The following ZNF682 variants were observed in gnomAD, a reference collection of about 807,000 sequenced individuals.
ZNF682 encodes zinc finger protein 682.
ZNF682 carries 29 observed loss-of-function variants against 36.5 expected under a neutral mutation model. The ratio of observed to expected loss-of-function variants is 0.80; its 90% CI spans 0.59 to 1.08. The LOEUF is 1.08. ZNF682 is among the 50% of genes least tolerant of loss of function. The probability of loss-of-function intolerance (pLI) is 0.00; values close to 1 mark genes in which losing one functional copy is unlikely to be tolerated. For synonymous variants in ZNF682, 180 were observed against 197.0 expected (o/e 0.91, Z 0.72); for missense variants, 561 against 579.7 (o/e 0.97, Z 0.33).
chr19:20,023,209 A>G lies in ZNF682; in HGVS notation c.131-110T>C, dbSNP rs2088402437. 2.9e-6 allele frequency: 3 copies of G among 1,023,706 alleles called. No individual in the cohort carries two copies. In the East Asian group the frequency reaches 7.8e-5, roughly 27 times the overall value. 63.4% of individuals were successfully genotyped at this position (1,023,706 alleles called of 1,614,324 possible). A position where few individuals can be genotyped will look rare whatever the true frequency, so the allele number is the denominator to read the frequency against. ...ATATTATAGATGATTCTAGAAAATT[A>G]ATAATAAGGACAGGCGCGTTGGCTC... On this transcript the variant is annotated intron_variant, in intron 2 of 3. Transcript: ENST00000397165.
chr19:20,027,226 T>G (rs537975958), intron 1 of ZNF682, among the ~76,000 whole-genome samples: 3 of 152,346 alleles, frequency 2.0e-5, no homozygotes, highest in Non-Finnish European at 4.4e-5. Context: ...CACAGGCAGA[T>G]GTACCTTAAA....
In ZNF682 at chr19:20,027,454, C is replaced by G. The variant is rs375451666; in HGVS notation, c.4-3078G>C. On this transcript the variant is annotated intron_variant, in intron 1 of 3. Coordinates refer to ENST00000397165, the MANE Select transcript of ZNF682 (RefSeq NM_033196.3). Reference sequence around the variant, plus strand: ...AAACCAAGCACAGCAGGCCCCATGACCTCTCTTTAAAACAAAGCCTGGGGG... The same window carrying G: ...AAACCAAGCACAGCAGGCCCCATGAGCTCTCTTTAAAACAAAGCCTGGGGG... Among the ~76,000 whole-genome samples, 17 of 152,336 alleles carry G rather than the reference C, an allele frequency of 1.1e-4. No homozygotes were observed. The South Asian group carries it at 3.5e-3, about 32-fold the overall frequency.
At chr19:20,036,294 T>A (rs1189185683) in intron 1 of ZNF682, among the ~76,000 whole-genome samples, 1 of 152,084 alleles carries the variant, frequency 6.6e-6, no homozygotes, top group Non-Finnish European at 1.5e-5. Flanking sequence ...ACCCTTTAGC[T>A]TTCTGGATTG....
chr19:19,998,782 C>T (rs1257950298), intron 3 of ZNF682, among the ~76,000 whole-genome samples: 3 of 151,900 alleles, frequency 2.0e-5, no homozygotes, highest in Non-Finnish European at 4.4e-5. Context: ...TAGAGCATCT[C>T]GTAGCATTGG....
chr19:20,016,172 G>A lies in ZNF682; in HGVS notation c.226+6832C>T, dbSNP rs774564222. ...GAAAGAATACAAAAATTAGCCAGGC[G>A]TGGTAGCACTCGCCTGTACTGTCAG... On this transcript the variant is annotated intron_variant, in intron 3 of 3. Coordinates refer to ENST00000397165, the MANE Select transcript of ZNF682 (RefSeq NM_033196.3). Among the ~76,000 whole-genome samples the A allele has an allele frequency of 3.9e-5, 6 of 152,264 alleles. No homozygotes were observed. The South Asian group carries it at 6.2e-4, about 16-fold the overall frequency.
chr19:20,039,038 C>A, intron 1 of ZNF682: 2 of 913,220 alleles, frequency 2.2e-6, no homozygotes, highest in Non-Finnish European at 3.1e-6. Flanking sequence ...CTGGACTCTG[C>A]CCTGAGGACG....
chr19:19,995,268 G>T (rs1405777937), downstream of ZNF682, among the ~76,000 whole-genome samples: 2 of 152,260 alleles, frequency 1.3e-5, no homozygotes, highest in South Asian at 2.1e-4. Flanking sequence ...GAATGGAAAA[G>T]GTTTACACTC....
At position 20,006,418 on chromosome 19, in the gene ZNF682, T is replaced by C. The variant is rs2088220101; in HGVS notation, c.1084A>G (p.Ile362Val). The change falls in exon 4 of 4, where the codon ATT becomes GTT. Residue 362 changes from isoleucine to valine, a missense_variant. By Grantham distance (29) the Ile-to-Val change is conservative (BLOSUM62 3). Transcript: ENST00000397165. ...SSSILTEHKVIHSGEKPYKCE... is the reference protein window; with the variant it reads ...SSSILTEHKVVHSGEKPYKCE... ...TTGTAGGGTTTCTCTCCGCTATGAA[T>C]TACCTTATGTTCAGTAAGAATTGAT... The C allele has an allele frequency of 6.2e-7, 1 of 1,613,584 alleles. No homozygotes were observed. The highest frequency in any genetic ancestry group is 8.5e-7 in the Non-Finnish European group (1 of 1,179,884).
At chr19:20,030,433 G>T (rs751460662) in intron 1 of ZNF682, among the ~76,000 whole-genome samples, 1 of 152,086 alleles carries the variant, frequency 6.6e-6, no homozygotes, top group African/African-American at 2.4e-5. Flanking sequence ...AGCCGGGCGT[G>T]GTGGTGCACG....
intron 1 of ZNF682, among the ~76,000 whole-genome samples, chr19:20,038,116 T>C (rs2088550038): frequency 6.6e-6 from 1 of 152,158 alleles, no homozygotes; most frequent in African/African-American, 2.4e-5. Context: ...CCCTGTGAAG[T>C]TTCCAAAGTG....
At chr19:20,009,624 G>C (rs2088264395) in intron 3 of ZNF682, among the ~76,000 whole-genome samples, 1 of 152,130 alleles carries the variant, frequency 6.6e-6, no homozygotes, top group African/African-American at 2.4e-5. Context: ...AAGGCAACTA[G>C]AGAAAAGGGC....
Position 20,039,498 on chromosome 19 carries a change from A to C in ZNF682, c.-153T>G, listed in dbSNP as rs1178618655. On this transcript the variant is annotated 5_prime_UTR_variant, in exon 1 of 4. Coordinates refer to ENST00000397165, the MANE Select transcript of ZNF682 (RefSeq NM_033196.3). Reference sequence around the variant, plus strand: ...GACCCTGAGCTCTGGCTGGAGCGAGACAAAGGCCCCGCCAGCTCCAGGACA... The same window carrying C: ...GACCCTGAGCTCTGGCTGGAGCGAGCCAAAGGCCCCGCCAGCTCCAGGACA... The C allele has an allele frequency of 3.8e-6, 4 of 1,042,310 alleles. No homozygotes were observed. Among genetic ancestry groups the C allele is most frequent in the Non-Finnish European group, 5.4e-6 (4 of 734,802 alleles). 64.6% of individuals were successfully genotyped at this position (1,042,310 alleles called of 1,614,324 possible).
chr19:20,024,827 A>G (rs2088418174), intron 1 of ZNF682, among the ~76,000 whole-genome samples: 1 of 152,234 alleles, frequency 6.6e-6, no homozygotes, highest in Non-Finnish European at 1.5e-5. Flanking sequence ...CGACAAACAA[A>G]AAGGAAAACA....
At chr19:20,018,572 G>C (rs1230137070) in intron 3 of ZNF682, among the ~76,000 whole-genome samples, 3 of 152,104 alleles carry the variant, frequency 2.0e-5, no homozygotes, top group Non-Finnish European at 4.4e-5. Context: ...AATTAAGCAC[G>C]TGTGTACATA....
downstream of ZNF682, among the ~76,000 whole-genome samples, chr19:20,002,761 C>A (rs751124451): frequency 2.6e-5 from 4 of 152,042 alleles, no homozygotes; most frequent in Admixed American, 6.6e-5. Context: ...CTAAACAACA[C>A]CATGTCTGAT....
At chr19:20,011,353 T>TAGCC (rs1436221145) in intron 3 of ZNF682, among the ~76,000 whole-genome samples, 1 of 152,162 alleles carries the variant, frequency 6.6e-6, no homozygotes, top group Non-Finnish European at 1.5e-5. Flanking sequence ...AAAAAAGACT[T>TAGCC]AGCCAGCCAC....
chr19:20,015,800 G>A, intron 3 of ZNF682: 1 of 398,102 alleles, frequency 2.5e-6, no homozygotes, highest in East Asian at 3.6e-5. Flanking sequence ...TTATTAATAT[G>A]TTGCTCTTCT....
At chr19:19,997,183 G>C (rs2088133168) in exon 4 of ZNF682, 1 of 398,670 alleles carries the variant, frequency 2.5e-6, no homozygotes. Flanking sequence ...AGGTTTCCAG[G>C]GTTCTCCATC....
intron 3 of ZNF682, 26 bp from the exon 4 acceptor site, chr19:20,007,301 C>A (rs1228663086): frequency 6.4e-7 from 1 of 1,555,382 alleles, no homozygotes; most frequent in South Asian, 1.2e-5. Context: ...AACAAAATAT[C>A]CCACTTGTTA....
Sources: gnomAD v4.1 joint callset for allele counts (sites outside exome capture counted in the v4.1 genomes callset) on GRCh38, gnomAD v4.1.1 for gene constraint, MANE v1.5 for transcripts, NCBI Gene and HGNC (gene_info 2026-07-23, HGNC 2026-07-21) for gene names.